Variants in TLN2 observed in about 807,000 individuals in gnomAD.
The protein encoded by TLN2 is talin 2, also known as talin-2.
In TLN2, 118 loss-of-function variants were observed where a neutral mutation model predicts 294.7. The observed-to-expected ratio is 0.40, with a 90% CI of 0.34 to 0.47. The LOEUF (loss-of-function observed/expected upper bound fraction) is 0.47, where lower values mean the gene tolerates loss of function less well. Ranked by LOEUF, TLN2 falls within the 20% of genes least tolerant of loss-of-function variation. The pLI is 0.84. For synonymous variants in TLN2, 1,431 were observed against 1,304.5 expected (o/e 1.10, Z -2.09); for missense variants, 3,083 against 3,282.2 (o/e 0.94, Z 1.48).
At chr15:62,518,269 C>A (rs1390903159) in intron 1 of TLN2, among the ~76,000 whole-genome samples, 1 of 152,156 alleles carries the variant, frequency 6.6e-6, no homozygotes, top group African/African-American at 2.4e-5. Context: ...GAACTCCTGA[C>A]CTTGTGATCT....
In TLN2 at chr15:62,798,214, C is replaced by A. The variant is rs893568541; in HGVS notation, c.6234+812C>A. Among the ~76,000 whole-genome samples the A allele has an allele frequency of 3.3e-5, 5 of 152,112 alleles. No homozygotes were observed. In the East Asian group the frequency reaches 9.6e-4, roughly 29 times the overall value. On this transcript the variant is annotated intron_variant, in intron 48 of 58. Coordinates refer to ENST00000636159, the MANE Select transcript of TLN2 (RefSeq NM_015059.3). The stretch of plus-strand genomic sequence containing the variant: ...AAATGAACTCAGCACCTGTAGATGG[C>A]CCAGGTGAGAACTTCGGTTCTCAAG...
At chr15:62,748,574 C>T in intron 33 of TLN2, 130 bp downstream of exon 33, 2 of 738,162 alleles carry the variant, frequency 2.7e-6, no homozygotes, top group Admixed American at 3.0e-5. Flanking sequence ...TCTGTCCTTG[C>T]CTTTTATCTT....
intron 1 of TLN2, among the ~76,000 whole-genome samples, chr15:62,440,861 A>C (rs1394067423): frequency 6.6e-6 from 1 of 152,194 alleles, no homozygotes; most frequent in African/African-American, 2.4e-5. Flanking sequence ...GCAAATACTG[A>C]AAGCACGAAT....
intron 1 of TLN2, among the ~76,000 whole-genome samples, chr15:62,421,270 A>G (rs552016430): frequency 1.2e-4 from 19 of 152,254 alleles, no homozygotes; most frequent in African/African-American, 4.1e-4. Flanking sequence ...TGCTGGCCTC[A>G]GGAGATCTGC....
Position 62,711,412 on chromosome 15 carries a change from G to C in TLN2, c.2468-499G>C, listed in dbSNP as rs533468686. Among the ~76,000 whole-genome samples, 6 of 152,304 alleles carry C rather than the reference G, an allele frequency of 3.9e-5. No homozygotes were observed. In the East Asian group the frequency reaches 7.7e-4, roughly 20 times the overall value. On this transcript the variant is annotated intron_variant, in intron 21 of 58. Coordinates refer to ENST00000636159, the MANE Select transcript of TLN2 (RefSeq NM_015059.3). ...TTGAGCATGAAGCTAATAAGCGAAG[G>C]CCAAATGGCACACATTGAATGGATT...
intron 54 of TLN2, chr15:62,833,165 G>A (rs993412406): frequency 1.7e-5 from 3 of 179,392 alleles, no homozygotes; most frequent in Admixed American, 6.1e-5. Context: ...TTAACATTAG[G>A]TAAAAGGGTA....
chr15:62,548,085 A>G (rs1430028290), intron 1 of TLN2, among the ~76,000 whole-genome samples: 2 of 152,246 alleles, frequency 1.3e-5, no homozygotes, highest in Non-Finnish European at 1.5e-5. Flanking sequence ...ACTTAAAAGT[A>G]TAAAATAGGA....
rs191822900 is a variant in TLN2, at chr15:62,777,517, C to T, written c.5514+607C>T. On this transcript the variant is annotated intron_variant, in intron 43 of 58. Coordinates refer to ENST00000636159, the MANE Select transcript of TLN2 (RefSeq NM_015059.3). ...TGCCATTGCACTCTAGCCTGGGCAA[C>T]GAGCGAAACTCTCAAAAAAAAAAAA... Among the ~76,000 whole-genome samples the T allele has an allele frequency of 6.4e-3, 862 of 135,434 alleles. 13 individuals are homozygous for T. Among genetic ancestry groups the T allele is most frequent in the African/African-American group, 0.021 (762 of 36,560 alleles). The allele number at this position is 135,434 out of a possible 152,430, so 88.8% of individuals were successfully genotyped here.
At chr15:62,826,734 G>A (rs1436842413) in intron 54 of TLN2, among the ~76,000 whole-genome samples, 1 of 152,072 alleles carries the variant, frequency 6.6e-6, no homozygotes, top group Non-Finnish European at 1.5e-5. Context: ...AAAGAGAAAT[G>A]TGGCTGCCTG....
intron 2 of TLN2, among the ~76,000 whole-genome samples, chr15:62,610,755 C>T (rs1007740849): frequency 3.9e-5 from 6 of 152,176 alleles, no homozygotes; most frequent in Non-Finnish European, 7.3e-5. Flanking sequence ...GGACTGCAAA[C>T]GTGCCAGGAG....
At chr15:62,563,600 C>T (rs916103388) in intron 1 of TLN2, among the ~76,000 whole-genome samples, 2 of 152,114 alleles carry the variant, frequency 1.3e-5, no homozygotes, top group Admixed American at 1.3e-4. Flanking sequence ...TTAATTAAGT[C>T]CCACCTGTTT....
chr15:62,577,715 TTAAGCTC>T (rs1180812832), intron 1 of TLN2, among the ~76,000 whole-genome samples: 1 of 152,176 alleles, frequency 6.6e-6, no homozygotes, highest in Non-Finnish European at 1.5e-5. Context: ...TTAATATACT[TTAAGCTC>T]TAGGGTACAT....
At chr15:62,747,058 A>G (rs2061655605) in intron 32 of TLN2, among the ~76,000 whole-genome samples, 1 of 152,198 alleles carries the variant, frequency 6.6e-6, no homozygotes, top group African/African-American at 2.4e-5. Flanking sequence ...GGCTGGAACT[A>G]TGGGGCTTAC....
intron 37 of TLN2, among the ~76,000 whole-genome samples, chr15:62,759,824 C>T (rs1047078878): frequency 6.6e-6 from 1 of 152,240 alleles, no homozygotes; most frequent in African/African-American, 2.4e-5. Flanking sequence ...CAGCCTGCTT[C>T]ACTCTTTTGC....
Position 62,711,996 on chromosome 15 carries a change from C to T in TLN2, c.2553C>T (p.Ile851=), listed in dbSNP as rs748420213. 6 of 1,614,046 alleles carry T rather than the reference C, an allele frequency of 3.7e-6. No homozygotes were observed. Among genetic ancestry groups the T allele is most frequent in the Admixed American group, 3.3e-5 (2 of 60,014 alleles). The change falls in exon 22 of 59, where the codon ATC becomes ATT. Residue 851 remains isoleucine, a synonymous_variant. Coordinates refer to ENST00000636159, the MANE Select transcript of TLN2 (RefSeq NM_015059.3). ...NAMRSDAEAE[I]DMENSKKLLA... is the part of the protein sequence containing the mutation. ...TGAGGTCAGATGCAGAAGCCGAAAT[C>T]GACATGGAGAATTCAAAGAAGCTCC... is the stretch of plus-strand genomic sequence containing the variant.
At chr15:62,790,730 T>G (rs2065013872) in intron 45 of TLN2, among the ~76,000 whole-genome samples, 1 of 152,214 alleles carries the variant, frequency 6.6e-6, no homozygotes, top group African/African-American at 2.4e-5. Flanking sequence ...GTTTGAAACT[T>G]TAATGGGGTA....
chr15:62,439,349 G>A (rs1034602292), intron 1 of TLN2, among the ~76,000 whole-genome samples: 1 of 152,062 alleles, frequency 6.6e-6, no homozygotes, highest in African/African-American at 2.4e-5. Context: ...GTCTTGCTCT[G>A]TTGCCCAGGC....
intron 1 of TLN2, among the ~76,000 whole-genome samples, chr15:62,443,894 G>T (rs2035681135): frequency 6.6e-6 from 1 of 152,196 alleles, no homozygotes; most frequent in Non-Finnish European, 1.5e-5. Flanking sequence ...AGCTACTTGG[G>T]ACGTTGAGGT....
intron 1 of TLN2, among the ~76,000 whole-genome samples, chr15:62,418,243 GTCC>G (rs939151230): frequency 1.3e-5 from 2 of 152,174 alleles, no homozygotes; most frequent in African/African-American, 4.8e-5. Context: ...CTCTTGGTGA[GTCC>G]TCCTCTCTCC....
Sources: allele counts gnomAD v4.1 joint callset (sites outside exome capture counted in the v4.1 genomes callset), GRCh38; gene constraint gnomAD v4.1.1; transcripts MANE v1.5; gene names NCBI Gene and HGNC (gene_info 2026-07-23, HGNC 2026-07-21).